ATAD2B: variants seen among roughly 807,000 people sequenced by gnomAD.
ATAD2B encodes ATPase family AAA domain containing 2B.
ATAD2B carries 40 observed loss-of-function variants against 167.6 expected under a neutral mutation model. That is an observed-to-expected ratio of 0.24 (90% CI 0.19 to 0.31). ATAD2B has a LOEUF of 0.31. Among genes scored for constraint, ATAD2B ranks in the 10% least tolerant of loss-of-function variants. The pLI is 1.00. For synonymous variants in ATAD2B, 579 were observed against 596.5 expected, an observed-to-expected ratio of 0.97 and a Z score of 0.43; for missense variants, 1,242 against 1,757.2, an observed-to-expected ratio of 0.71 and a Z score of 5.24.
chr2:23,772,602 A>G (rs1678497269), intron 22 of ATAD2B, among the ~76,000 whole-genome samples: 1 of 152,172 alleles, frequency 6.6e-6, no homozygotes, highest in Admixed American at 6.5e-5. Context: ...CTATCCCAAC[A>G]CTACCCTAAA....
the ATAD2B span, among the ~76,000 whole-genome samples, chr2:23,725,479 G>C: frequency 6.6e-6 from 1 of 152,194 alleles, no homozygotes; most frequent in African/African-American, 2.4e-5. Context: ...TTGTCTAGTA[G>C]AGTTTTCAAT....
intron 13 of ATAD2B, among the ~76,000 whole-genome samples, chr2:23,835,279 C>T (rs1689743974): frequency 6.6e-6 from 1 of 152,206 alleles, no homozygotes; most frequent in African/African-American, 2.4e-5. Context: ...AGTCCATCAA[C>T]TGATAAATAG....
chr2:23,835,798 C>T (rs1215472007), intron 13 of ATAD2B, among the ~76,000 whole-genome samples: 2 of 151,870 alleles, frequency 1.3e-5, no homozygotes, highest in Non-Finnish European at 2.9e-5. Context: ...TAGCTCGGTG[C>T]GGTGGCACGC....
the ATAD2B span, among the ~76,000 whole-genome samples, chr2:23,694,471 GTC>G: frequency 3.3e-5 from 5 of 152,174 alleles, no homozygotes; most frequent in South Asian, 2.1e-4. Context: ...AGCCTGAGCG[GTC>G]TCTCTAAAAG....
At chr2:23,837,856 T>C (rs545323077) in intron 13 of ATAD2B, among the ~76,000 whole-genome samples, 13 of 152,338 alleles carry the variant, frequency 8.5e-5, no homozygotes, top group Admixed American at 5.9e-4. Context: ...CAACTCAAAA[T>C]TATTTTCTGC....
At chr2:23,784,462 C>G (rs765692689) in intron 21 of ATAD2B, among the ~76,000 whole-genome samples, 2 of 151,936 alleles carry the variant, frequency 1.3e-5, no homozygotes, top group Non-Finnish European at 2.9e-5. Flanking sequence ...GAAATACAAC[C>G]CTAAATAAAA....
chr2:23,692,383 C>T, the ATAD2B span, among the ~76,000 whole-genome samples: 1 of 152,224 alleles, frequency 6.6e-6, no homozygotes, highest in Non-Finnish European at 1.5e-5. Context: ...CCGGGGGGGT[C>T]GCTGACCCGA....
At chr2:23,793,191 C>T (rs1218054704) in intron 19 of ATAD2B, among the ~76,000 whole-genome samples, 1 of 152,056 alleles carries the variant, frequency 6.6e-6, no homozygotes, top group Non-Finnish European at 1.5e-5. Flanking sequence ...TGACAAGAAA[C>T]ATTTAAGATA....
At chr2:23,866,727 T>C (rs1695193099) in intron 10 of ATAD2B, among the ~76,000 whole-genome samples, 1 of 152,196 alleles carries the variant, frequency 6.6e-6, no homozygotes, top group Admixed American at 6.5e-5. Flanking sequence ...GACTTCAGAT[T>C]AGAGATAGTT....
chr2:23,821,674 G>A (rs1252093614), intron 16 of ATAD2B, among the ~76,000 whole-genome samples: 1 of 152,170 alleles, frequency 6.6e-6, no homozygotes, highest in East Asian at 1.9e-4. Flanking sequence ...CAGACAAGGT[G>A]CTAGGAACTG....
Position 23,754,321 on chromosome 2 carries a change from GA to G in ATAD2B, c.4207-15del. The stretch of plus-strand genomic sequence containing the variant: ...ATCAAGCAATTTCTAAGAAAAAACA[GA>G]AAAGAATAAAATGTAATTTGATTTC... On this transcript the variant is annotated splice_polypyrimidine_tract_variant and intron_variant, in intron 26 of 27. Coordinates refer to ENST00000238789, the MANE Select transcript of ATAD2B (RefSeq NM_017552.4). The G allele has an allele frequency of 6.5e-7, 1 of 1,536,198 alleles. No individual in the cohort carries two copies. The highest frequency in any genetic ancestry group is 8.7e-7 in the Non-Finnish European group (1 of 1,143,060).
chr2:23,743,397 T>C, the ATAD2B span, among the ~76,000 whole-genome samples: 1 of 151,902 alleles, frequency 6.6e-6, no homozygotes, highest in Non-Finnish European at 1.5e-5. Flanking sequence ...TGAAACCCCA[T>C]CTCTGCGAAA....
chr2:23,682,307 C>T, the ATAD2B span, among the ~76,000 whole-genome samples: 2 of 152,330 alleles, frequency 1.3e-5, no homozygotes, highest in South Asian at 2.1e-4. This position sits in a 1 kb window ranked among gnomAD's most constrained non-coding sequence, Gnocchi z 4.1. Flanking sequence ...GAACCTTCAA[C>T]AAGTGTGGAC....
chr2:23,747,316 TAATA>T (rs1674946213), downstream of ATAD2B, among the ~76,000 whole-genome samples: 2 of 151,284 alleles, frequency 1.3e-5, no homozygotes, highest in African/African-American at 4.8e-5. Flanking sequence ...TACATATGTG[TAATA>T]TATATATATT....
chr2:23,737,018 A>G, the ATAD2B span, among the ~76,000 whole-genome samples: 5 of 152,144 alleles, frequency 3.3e-5, no homozygotes, highest in African/African-American at 1.2e-4. Flanking sequence ...TTGCTGAGTT[A>G]GTTGTTTGAT....
At chr2:23,696,550 T>C in the ATAD2B span, 1 of 1,451,194 alleles carries the variant, frequency 6.9e-7, no homozygotes, top group Non-Finnish European at 9.2e-7. The surrounding 1 kb of genome is among the most constrained non-coding windows in gnomAD (Gnocchi z 5.5). Flanking sequence ...GCATGCTCTT[T>C]GCTCACCAAG....
At chr2:23,868,533 C>T (rs909170509) in intron 9 of ATAD2B, among the ~76,000 whole-genome samples, 1 of 152,184 alleles carries the variant, frequency 6.6e-6, no homozygotes, top group African/African-American at 2.4e-5. Flanking sequence ...GCTCAGCCAC[C>T]CAAAATGCTG....
chr2:23,862,426 T>TTTTTTTTTTTTTA (rs1181067384), intron 12 of ATAD2B, among the ~76,000 whole-genome samples: 1 of 141,252 alleles, frequency 7.1e-6, no homozygotes, highest in African/African-American at 2.6e-5. Context: ...TTTTTTTTTT[T>TTTTTTTTTTTTTA]GAGAGACAGA....
chr2:23,872,469 C>T (rs1161273648), intron 8 of ATAD2B: 3 of 738,580 alleles, frequency 4.1e-6, no homozygotes, highest in Admixed American at 1.8e-5. Flanking sequence ...CAATCAGCAC[C>T]CATTTCCCCT....
Sources: allele counts gnomAD v4.1 joint callset (sites outside exome capture counted in the v4.1 genomes callset), GRCh38; gene constraint gnomAD v4.1.1; non-coding constraint Gnocchi (gnomAD v3.1); transcripts MANE v1.5; gene names NCBI Gene and HGNC (gene_info 2026-07-23, HGNC 2026-07-21).